The following NCOR1 variants were observed in gnomAD, a reference collection of about 807,000 sequenced individuals.
The protein encoded by NCOR1 is protein phosphatase 1, regulatory subunit 109.
In NCOR1, 63 loss-of-function variants were observed where a neutral mutation model predicts 288.1. The observed-to-expected ratio is 0.22, with a 90% CI of 0.18 to 0.27. The LOEUF is 0.27. NCOR1 is among the 10% of genes least tolerant of loss of function. NCOR1 has a pLI of 1.00. For synonymous variants in NCOR1, 1,007 were observed against 1,065.9 expected (o/e 0.94, Z 1.08); for missense variants, 2,397 against 3,019.2 (o/e 0.79, Z 4.83).
intron 37 of NCOR1, among the ~76,000 whole-genome samples, chr17:16,060,335 T>C (rs970381275): frequency 6.6e-6 from 1 of 152,220 alleles, no homozygotes; most frequent in African/African-American, 2.4e-5. Context: ...TGAAAAGAAA[T>C]GTTTAATCCA....
rs1184177098 is a variant in NCOR1 at position 16,108,861 on chromosome 17, C to T, written c.2107G>A (p.Ala703Thr). The change falls in exon 19 of 46, where the codon GCT becomes ACT. Residue 703 changes from alanine to threonine, a missense_variant. Physicochemically the swap from Ala to Thr is moderately conservative, Grantham distance 58. Around this residue, in one of 11 missense-constraint regions of NCOR1, gnomAD observed 1,872 missense variants for 2,187.8 expected, o/e 0.86. Transcript: ENST00000268712. ...ERDVSQCESV[A>T]STVSAQEDED... ...TCCTCCTGAGCAGAAACAGTGGAAGCGACACTTTCACATTGAGACACATCT... is the reference window on the plus strand; with the variant it reads ...TCCTCCTGAGCAGAAACAGTGGAAGTGACACTTTCACATTGAGACACATCT... The T allele has an allele frequency of 1.4e-5, 22 of 1,606,032 alleles. No individual in the cohort carries two copies. Among genetic ancestry groups the T allele is most frequent in the Non-Finnish European group, 1.7e-5 (20 of 1,175,118 alleles).
intron 5 of NCOR1, among the ~76,000 whole-genome samples, chr17:16,163,051 T>TAAG (rs1177973917): frequency 6.6e-6 from 1 of 152,000 alleles, no homozygotes; most frequent in African/African-American, 2.4e-5. Flanking sequence ...GACTCAAATA[T>TAAG]AAGAGGTAAA....
At chr17:16,125,082 G>A (rs560201317) in intron 15 of NCOR1, among the ~76,000 whole-genome samples, 41 of 152,154 alleles carry the variant, frequency 2.7e-4, no homozygotes, top group Middle Eastern at 3.4e-3. Flanking sequence ...CTAAAATTTC[G>A]GCCAGGCGTG....
rs144734223 is a variant in NCOR1, at chr17:16,210,729, AT to A, written c.-71+4632del. The stretch of plus-strand genomic sequence containing the variant: ...AATCTCTCATTTCCTATTCACTCCA[AT>A]TTTTTTTTTTTTTTCTTGAGGCAGA... On this transcript the variant is annotated intron_variant, in intron 1 of 45. Coordinates refer to ENST00000268712, the MANE Select transcript of NCOR1 (RefSeq NM_006311.4). Among the ~76,000 whole-genome samples the A allele has an allele frequency of 9.4e-3, 1,343 of 143,368 alleles. 20 individuals carry two copies. Among genetic ancestry groups the A allele is most frequent in the African/African-American group, 0.03 (1,181 of 39,216 alleles). 94.1% of individuals were successfully genotyped at this position (143,368 alleles called of 152,430 possible).
chr17:16,050,782 T>C (rs553264027), intron 40 of NCOR1, among the ~76,000 whole-genome samples: 1 of 152,086 alleles, frequency 6.6e-6, no homozygotes, highest in Non-Finnish European at 1.5e-5. Context: ...CTCTCTTCCA[T>C]GAAAGATGAA....
intron 8 of NCOR1, chr17:16,151,682 T>C (rs2078889083): frequency 3.8e-6 from 5 of 1,306,194 alleles, no homozygotes; most frequent in Non-Finnish European, 5.2e-6. Context: ...CAATGTTAAG[T>C]ATCCACCTTT....
intron 31 of NCOR1, 62 bp downstream of exon 31, chr17:16,070,103 G>GTT (rs368198526): frequency 2.5e-3 from 3,316 of 1,319,788 alleles, no homozygotes; most frequent in South Asian, 4.8e-3. Flanking sequence ...CTTGACAAAG[G>GTT]TTTTTTTTTT....
At chr17:16,161,198 T>A (rs1340426514) in intron 5 of NCOR1, among the ~76,000 whole-genome samples, 2 of 150,842 alleles carry the variant, frequency 1.3e-5, no homozygotes, top group African/African-American at 2.4e-5. Context: ...ACAAAACCAT[T>A]ATAATTCAAA....
chr17:16,125,448 T>C (rs1002190691), intron 15 of NCOR1, among the ~76,000 whole-genome samples: 1 of 152,082 alleles, frequency 6.6e-6, no homozygotes, highest in Non-Finnish European at 1.5e-5. Context: ...CTCACGTCTA[T>C]AATCCCAGCA....
chr17:16,140,128 G>C (rs1432795664), intron 11 of NCOR1, among the ~76,000 whole-genome samples: 1 of 152,052 alleles, frequency 6.6e-6, no homozygotes, highest in African/African-American at 2.4e-5. Context: ...CATCATTGTA[G>C]AAATAATGGC....
chr17:16,049,104 T>G (rs989658936), intron 40 of NCOR1, 116 bp from the exon 41 acceptor site: 2 of 1,149,170 alleles, frequency 1.7e-6, no homozygotes, highest in African/African-American at 3.1e-5. Flanking sequence ...GCTGCCAATT[T>G]CTATCAGAAA....
At chr17:16,174,713 G>A (rs1039832573) in intron 3 of NCOR1, among the ~76,000 whole-genome samples, 6 of 152,220 alleles carry the variant, frequency 3.9e-5, no homozygotes, top group African/African-American at 9.6e-5. Context: ...TCTTTGCTAA[G>A]TACAATTTAA....
chr17:16,185,191 T>C (rs1185734769), intron 3 of NCOR1, among the ~76,000 whole-genome samples: 1 of 152,020 alleles, frequency 6.6e-6, no homozygotes, highest in Non-Finnish European at 1.5e-5. Flanking sequence ...GATAATAATA[T>C]AGTGCTGTAT....
intron 6 of NCOR1, among the ~76,000 whole-genome samples, chr17:16,155,008 C>A (rs1341379952): frequency 6.6e-6 from 1 of 152,156 alleles, no homozygotes; most frequent in Non-Finnish European, 1.5e-5. Context: ...TTCCTACCAT[C>A]ACCCTTTTCT....
At chr17:16,157,976 A>ATT (rs556854474) in intron 6 of NCOR1, among the ~76,000 whole-genome samples, 3 of 144,898 alleles carry the variant, frequency 2.1e-5, no homozygotes, top group African/African-American at 5.0e-5. Context: ...TTGAACTTTG[A>ATT]TTTTTTTTTT....
chr17:16,103,483 T>C (rs780280086), intron 19 of NCOR1, among the ~76,000 whole-genome samples: 13 of 152,250 alleles, frequency 8.5e-5, no homozygotes, highest in Non-Finnish European at 1.0e-4. Context: ...CCCATTACTA[T>C]TAGGATAAAG....
intron 21 of NCOR1, among the ~76,000 whole-genome samples, chr17:16,095,409 G>A (rs1481195870): frequency 2.1e-5 from 3 of 144,600 alleles, no homozygotes; most frequent in Admixed American, 6.8e-5. Flanking sequence ...GTCAGCCCCC[G>A]CCAGGCCAGC....
At chr17:16,075,349 T>C (rs3760295) in intron 27 of NCOR1, among the ~76,000 whole-genome samples, 185 bp downstream of exon 27, 10,520 of 152,264 alleles carry the variant, frequency 0.069, 575 homozygotes, top group African/African-American at 0.16. Flanking sequence ...AATTACTTTT[T>C]ATCGACTAAG....
chr17:16,096,024 T>C (rs2066544154), intron 21 of NCOR1, among the ~76,000 whole-genome samples: 1 of 152,180 alleles, frequency 6.6e-6, no homozygotes, highest in Admixed American at 6.5e-5. Flanking sequence ...TCTATGACCT[T>C]ACCCCCAACC....
Sources: gnomAD v4.1 joint callset for allele counts (sites outside exome capture counted in the v4.1 genomes callset) on GRCh38, gnomAD v4.1.1 for gene constraint, gnomAD v4.1.1 regional missense constraint, MANE v1.5 for transcripts, NCBI Gene and HGNC (gene_info 2026-07-23, HGNC 2026-07-21) for gene names.